DRGX: variants seen among roughly 807,000 people sequenced by gnomAD.
The protein encoded by DRGX is dorsal root ganglia homeobox protein.
DRGX carries 21 observed loss-of-function variants against 28.6 expected under a neutral mutation model. The observed-to-expected ratio is 0.73, with a 90% CI of 0.52 to 1.06. The LOEUF is 1.06. DRGX is among the 50% of genes least tolerant of loss of function. The pLI is 0.00. For missense variants in DRGX, 354 were observed against 343.9 expected, an observed-to-expected ratio of 1.03 and a Z score of -0.23; for synonymous variants, 136 against 139.1, an observed-to-expected ratio of 0.98 and a Z score of 0.16.
intron 6 of DRGX, among the ~76,000 whole-genome samples, chr10:49,378,709 T>A (rs1045031544): frequency 3.3e-5 from 5 of 152,178 alleles, no homozygotes; most frequent in Non-Finnish European, 7.4e-5. Flanking sequence ...TGGAAAAGAA[T>A]AGACAAACTG....
intron 6 of DRGX, among the ~76,000 whole-genome samples, chr10:49,370,350 A>T (rs1273149262): frequency 6.6e-6 from 1 of 152,212 alleles, no homozygotes; most frequent in Non-Finnish European, 1.5e-5. Context: ...GGTTGCAGTG[A>T]GCCAAGATCG....
intron 6 of DRGX, among the ~76,000 whole-genome samples, 180 bp downstream of exon 6, chr10:49,386,298 T>G (rs1849833175): frequency 6.6e-6 from 1 of 152,122 alleles, no homozygotes. Context: ...TCAGGACGCA[T>G]GTAGGAAGCA....
At chr10:49,382,111 C>T (rs1279432619) in intron 6 of DRGX, among the ~76,000 whole-genome samples, 1 of 152,062 alleles carries the variant, frequency 6.6e-6, no homozygotes, top group Non-Finnish European at 1.5e-5. Context: ...TGGGGAGCAG[C>T]AAGGAGGGAT....
intron 4 of DRGX, among the ~76,000 whole-genome samples, chr10:49,389,208 G>T (rs1054582019): frequency 1.3e-5 from 2 of 152,118 alleles, no homozygotes; most frequent in African/African-American, 4.8e-5. Flanking sequence ...TCTGATTATA[G>T]GGGAAATAAT....
chr10:49,366,681 T>C (rs1201274392), intron 6 of DRGX, among the ~76,000 whole-genome samples: 6 of 152,248 alleles, frequency 3.9e-5, no homozygotes, highest in African/African-American at 1.4e-4. Context: ...TCTACTTCTG[T>C]AAAATGGGGT....
At chr10:49,392,472 C>T (rs1849917491) in intron 2 of DRGX, among the ~76,000 whole-genome samples, 1 of 152,226 alleles carries the variant, frequency 6.6e-6, no homozygotes. Context: ...TTCTCTCCAG[C>T]TCATTGGAAA....
intron 6 of DRGX, among the ~76,000 whole-genome samples, chr10:49,383,620 T>C (rs118147072): frequency 6.6e-6 from 1 of 152,302 alleles, no homozygotes; most frequent in East Asian, 1.9e-4. Flanking sequence ...CCAAAATTCA[T>C]AGATTGAAAT....
intron 3 of DRGX, among the ~76,000 whole-genome samples, chr10:49,390,902 G>A (rs1044810554): frequency 4.6e-5 from 7 of 152,190 alleles, no homozygotes; most frequent in African/African-American, 1.7e-4. Context: ...TTGCTGACAT[G>A]GAAGTGTTCC....
chr10:49,387,685 A>G (rs1023455464), intron 4 of DRGX, among the ~76,000 whole-genome samples: 1 of 151,284 alleles, frequency 6.6e-6, no homozygotes, highest in African/African-American at 2.4e-5. Flanking sequence ...AAAGACAGAA[A>G]GAAAAGACAG....
chr10:49,376,493 G>A (rs1235353340), intron 6 of DRGX, among the ~76,000 whole-genome samples: 1 of 152,110 alleles, frequency 6.6e-6, no homozygotes, highest in Non-Finnish European at 1.5e-5. Flanking sequence ...CTCTCCCATG[G>A]GAGAGTAAAT....
intron 1 of DRGX, 39 bp from the exon 2 acceptor site, chr10:49,395,560 T>A (rs1849958926): frequency 4.0e-6 from 5 of 1,263,028 alleles, no homozygotes; most frequent in Non-Finnish European, 5.6e-6. Context: ...AGTCTCCCTC[T>A]GCCAGCGCTC....
At chr10:49,371,849 A>C (rs1849662994) in intron 6 of DRGX, among the ~76,000 whole-genome samples, 2 of 151,552 alleles carry the variant, frequency 1.3e-5, no homozygotes, top group South Asian at 4.2e-4. Context: ...AGTCCCAGCT[A>C]CTAGGACCCT....
intron 6 of DRGX, among the ~76,000 whole-genome samples, chr10:49,374,632 A>G (rs1188670028): frequency 6.6e-6 from 1 of 152,242 alleles, no homozygotes; most frequent in Non-Finnish European, 1.5e-5. Flanking sequence ...CCATTCCTAT[A>G]TGACATCATG....
intron 6 of DRGX, among the ~76,000 whole-genome samples, chr10:49,379,991 A>C (rs926942687): frequency 1.3e-5 from 2 of 152,198 alleles, no homozygotes; most frequent in African/African-American, 4.8e-5. Flanking sequence ...AAGGAGTCAG[A>C]TCTTACTCCA....
intron 6 of DRGX, among the ~76,000 whole-genome samples, chr10:49,373,434 G>C (rs1849681720): frequency 6.6e-6 from 1 of 152,194 alleles, no homozygotes; most frequent in Non-Finnish European, 1.5e-5. Flanking sequence ...GCGATAGACT[G>C]AATGGTGATG....
intron 6 of DRGX, 25 bp downstream of exon 6, chr10:49,386,452 AC>A: frequency 1.3e-6 from 2 of 1,510,096 alleles, no homozygotes; most frequent in Non-Finnish European, 1.8e-6. Flanking sequence ...GGCCACGCCC[AC>A]CAGCCCAGCC....
At chr10:49,393,797 G>T (rs540934419) in intron 2 of DRGX, among the ~76,000 whole-genome samples, 38 of 152,308 alleles carry the variant, frequency 2.5e-4, no homozygotes, top group Admixed American at 9.1e-4. Context: ...AGTCAGCACT[G>T]AGGTGGGATG....
intron 6 of DRGX, among the ~76,000 whole-genome samples, chr10:49,384,748 C>G (rs1590367962): frequency 6.6e-6 from 1 of 152,324 alleles, no homozygotes; most frequent in Middle Eastern, 3.4e-3. Context: ...AAGCCCAGTT[C>G]TGTCTCCCTC....
chr10:49,385,627 C>T (rs1337988665), intron 6 of DRGX, among the ~76,000 whole-genome samples: 2 of 152,096 alleles, frequency 1.3e-5, no homozygotes, highest in East Asian at 1.9e-4. Context: ...GGACCCTCCT[C>T]GAGAGCAGGG....
Sources: allele counts gnomAD v4.1 joint callset (sites outside exome capture counted in the v4.1 genomes callset), GRCh38; gene constraint gnomAD v4.1.1; transcripts MANE v1.5; gene names NCBI Gene and HGNC (gene_info 2026-07-23, HGNC 2026-07-21).